The following NEDD4L variants were observed in gnomAD, a reference collection of about 807,000 sequenced individuals.
NEDD4L encodes E3 ubiquitin-protein ligase NEDD4-like.
NEDD4L carries 54 observed loss-of-function variants against 148.9 expected under a neutral mutation model. The ratio of observed to expected loss-of-function variants is 0.36; its 90% CI spans 0.29 to 0.45. NEDD4L has a LOEUF of 0.45. Among genes scored for constraint, NEDD4L ranks in the 20% least tolerant of loss-of-function variants. The pLI, the probability that NEDD4L is intolerant of heterozygous loss-of-function variation, is 1.00. For missense variants in NEDD4L, 856 were observed against 1,233.8 expected (o/e 0.69, Z 4.59); for synonymous variants, 433 against 440.7 (o/e 0.98, Z 0.22).
chr18:58,145,455 A>G (rs967188112), intron 1 of NEDD4L, among the ~76,000 whole-genome samples: 8 of 152,178 alleles, frequency 5.3e-5, no homozygotes, highest in Admixed American at 1.3e-4. Context: ...CAGATTCTGG[A>G]GTAGGCAACG....
At chr18:58,343,167 T>C in intron 16 of NEDD4L, 64 bp downstream of exon 16, 5 of 1,442,688 alleles carry the variant, frequency 3.5e-6, no homozygotes, top group Non-Finnish European at 4.7e-6. Context: ...TTCCTTGATT[T>C]CCTTAGTGTT....
rs151153499 is a variant in NEDD4L, at chr18:58,058,190, C to T, written c.48+13482C>T. ...GTGTGGTGGCACGCACCTGTAATCC[C>T]AGCCTCTCGGGAGGCTGAGGCAGGA... On this transcript the variant is annotated intron_variant, in intron 1 of 30. Transcript: ENST00000400345. 1.6e-3 allele frequency among the ~76,000 whole-genome samples: 236 copies of T among 152,236 alleles called. 1 individual carries two copies. Among genetic ancestry groups the T allele is most frequent in the African/African-American group, 5.3e-3 (222 of 41,542 alleles).
intron 18 of NEDD4L, among the ~76,000 whole-genome samples, chr18:58,355,581 A>G (rs28678259): frequency 0.013 from 1,940 of 152,228 alleles, 31 homozygotes; most frequent in African/African-American, 0.038. Context: ...TTAAGGCGCA[A>G]TTTTTACTCA....
intron 2 of NEDD4L, among the ~76,000 whole-genome samples, chr18:58,175,144 G>T (rs755253756): frequency 6.6e-6 from 1 of 152,198 alleles, no homozygotes. Context: ...CTGAGCCAAC[G>T]TTTGGGAGAT....
intron 5 of NEDD4L, among the ~76,000 whole-genome samples, chr18:58,279,256 T>C (rs2052630492): frequency 6.6e-6 from 1 of 152,096 alleles, no homozygotes; most frequent in Non-Finnish European, 1.5e-5. Context: ...GCTTCCAGTC[T>C]AGTGAGAGAG....
At chr18:58,143,924 T>C (rs1440726810) in intron 1 of NEDD4L, among the ~76,000 whole-genome samples, 1 of 152,186 alleles carries the variant, frequency 6.6e-6, no homozygotes, top group Admixed American at 6.5e-5. Flanking sequence ...ATATGAGGTA[T>C]CCAGAATATT....
At chr18:58,092,542 G>A (rs961549759) in intron 1 of NEDD4L, among the ~76,000 whole-genome samples, 5 of 152,214 alleles carry the variant, frequency 3.3e-5, no homozygotes, top group South Asian at 2.1e-4. Context: ...TGGGAGGTAC[G>A]AAAGTTGTAT....
At chr18:58,344,112 G>A (rs984803662) in intron 16 of NEDD4L, among the ~76,000 whole-genome samples, 3 of 152,146 alleles carry the variant, frequency 2.0e-5, no homozygotes, top group Non-Finnish European at 2.9e-5. Context: ...CTTCGGTCTT[G>A]GACCAACAAT....
chr18:58,068,458 CA>C (rs2082717932), intron 1 of NEDD4L, among the ~76,000 whole-genome samples: 1 of 152,160 alleles, frequency 6.6e-6, no homozygotes, highest in Non-Finnish European at 1.5e-5. Flanking sequence ...CTCGGCCTCC[CA>C]AAGTGCTGGG....
chr18:58,166,449 G>T (rs937602926), intron 2 of NEDD4L, among the ~76,000 whole-genome samples: 3 of 152,140 alleles, frequency 2.0e-5, no homozygotes, highest in African/African-American at 4.8e-5. Flanking sequence ...GCAATGTGTT[G>T]CATGAAGTTA....
intron 2 of NEDD4L, among the ~76,000 whole-genome samples, chr18:58,206,430 C>A (rs2041996769): frequency 6.6e-6 from 1 of 152,148 alleles, no homozygotes; most frequent in East Asian, 1.9e-4. Flanking sequence ...CCCAAACTTT[C>A]AGCAGGAGAG....
intron 13 of NEDD4L, among the ~76,000 whole-genome samples, chr18:58,339,448 C>T (rs527401661): frequency 3.0e-4 from 45 of 152,164 alleles, no homozygotes; most frequent in African/African-American, 9.4e-4. Flanking sequence ...GCTAATTCAT[C>T]GATGTTTAAT....
At chr18:58,317,055 T>C (rs78677146) in intron 6 of NEDD4L, among the ~76,000 whole-genome samples, 320 of 152,360 alleles carry the variant, frequency 2.1e-3, no homozygotes, top group Non-Finnish European at 3.1e-3. Context: ...GCTTTGAAGA[T>C]GTGTTGTGAA....
At chr18:58,088,604 C>T (rs1192211713) in intron 1 of NEDD4L, among the ~76,000 whole-genome samples, 1 of 152,070 alleles carries the variant, frequency 6.6e-6, no homozygotes, top group Non-Finnish European at 1.5e-5. Context: ...ATTTTACTTT[C>T]GTGAAAGGAA....
intron 28 of NEDD4L, 165 bp downstream of exon 28, chr18:58,389,357 C>T (rs1339904166): frequency 1.8e-5 from 10 of 551,972 alleles, no homozygotes; most frequent in Middle Eastern, 4.7e-4. Context: ...CCAGCAGCCC[C>T]GTGGTGGCTC....
chr18:58,096,246 A>G (rs948904962), intron 1 of NEDD4L, among the ~76,000 whole-genome samples: 1 of 152,010 alleles, frequency 6.6e-6, no homozygotes, highest in South Asian at 2.1e-4. Flanking sequence ...ATTTTTGAAT[A>G]TTGAATCAAT....
At chr18:58,354,520 A>G (rs867633219) in intron 18 of NEDD4L, among the ~76,000 whole-genome samples, 1 of 151,874 alleles carries the variant, frequency 6.6e-6, no homozygotes, top group African/African-American at 2.4e-5. Flanking sequence ...ATTCTTTATC[A>G]TAACCATGTA....
At chr18:58,066,917 C>G (rs1011568974) in intron 1 of NEDD4L, among the ~76,000 whole-genome samples, 6 of 152,072 alleles carry the variant, frequency 3.9e-5, no homozygotes, top group African/African-American at 1.2e-4. Flanking sequence ...TGTACCAGGC[C>G]CCTCCTACAA....
chr18:58,049,160 C>T (rs1345080566), intron 1 of NEDD4L, among the ~76,000 whole-genome samples: 1 of 152,166 alleles, frequency 6.6e-6, no homozygotes, highest in Non-Finnish European at 1.5e-5. Context: ...TTCAATATCC[C>T]CAATCATTCA....
Sources: gnomAD v4.1 joint callset for allele counts (sites outside exome capture counted in the v4.1 genomes callset) on GRCh38, gnomAD v4.1.1 for gene constraint, MANE v1.5 for transcripts, NCBI Gene and HGNC (gene_info 2026-07-23, HGNC 2026-07-21) for gene names.